Variants in KIF14 observed in about 807,000 individuals in gnomAD.
The protein encoded by KIF14 is kinesin-like protein KIF14.
In KIF14, 98 loss-of-function variants were observed where a neutral mutation model predicts 176.2. The ratio of observed to expected loss-of-function variants is 0.56; its 90% CI spans 0.47 to 0.66. The LOEUF is 0.66. Ranked by LOEUF, KIF14 falls within the 30% of genes least tolerant of loss-of-function variation. The pLI is 0.00. For missense variants in KIF14, 1,751 were observed against 1,920.4 expected, an observed-to-expected ratio of 0.91 and a Z score of 1.65; for synonymous variants, 566 against 632.2, an observed-to-expected ratio of 0.90 and a Z score of 1.57.
chr1:200,579,760 A>G (rs951795272), intron 21 of KIF14, among the ~76,000 whole-genome samples: 34 of 152,282 alleles, frequency 2.2e-4, no homozygotes, highest in African/African-American at 8.2e-4. Flanking sequence ...AGATGACAAA[A>G]TAAGATATTA....
Position 200,618,286 on chromosome 1 carries a change from A to AT in KIF14, c.437dup (p.Asn146LysfsTer5). The AT allele has an allele frequency of 6.2e-7, 1 of 1,613,814 alleles. No individual in the cohort carries two copies. The highest frequency in any genetic ancestry group is 8.5e-7 in the Non-Finnish European group (1 of 1,179,998). On this transcript the variant is annotated frameshift_variant, in exon 2 of 30. Coordinates refer to ENST00000367350, the MANE Select transcript of KIF14 (RefSeq NM_014875.3). LOFTEE classifies it high-confidence loss of function. ...CATTATTTTCTGTTTCACCTCCCAC[A>AT]TTCAGTGTCATTTTGACAGAATCTA...
In KIF14 at chr1:200,554,452, A is replaced by C; in HGVS notation, c.4567+16T>G. On this transcript the variant is annotated intron_variant, in intron 29 of 29. Coordinates refer to ENST00000367350, the MANE Select transcript of KIF14 (RefSeq NM_014875.3). Reference sequence around the variant, plus strand: ...ATATAAAATTCTGATTATAAACTCCATTTGGAGAATCATACCTTTCAGTGC... The same window carrying C: ...ATATAAAATTCTGATTATAAACTCCCTTTGGAGAATCATACCTTTCAGTGC... The C allele has an allele frequency of 6.8e-7, 1 of 1,474,088 alleles. No individual in the cohort carries two copies. Among genetic ancestry groups the C allele is most frequent in the Non-Finnish European group, 9.3e-7 (1 of 1,072,460 alleles). The allele number at this position is 1,474,088 out of a possible 1,614,324, so 91.3% of individuals were successfully genotyped here.
intron 18 of KIF14, among the ~76,000 whole-genome samples, chr1:200,588,210 C>T (rs369955224): frequency 1.2e-4 from 18 of 151,218 alleles, no homozygotes; most frequent in East Asian, 3.9e-4. Flanking sequence ...TTCTGGAGTG[C>T]GGCCTAAAAA....
Position 200,605,857 on chromosome 1 carries a change from A to T in KIF14, c.1638+7T>A. On this transcript the variant is annotated splice_region_variant and intron_variant, in intron 7 of 29. Transcript: ENST00000367350. ...ATCTAGTGAAAAGAAAACAAAATCAATCTTACCTGGATATCAGCGTAAGAA... is the reference window on the plus strand; with the variant it reads ...ATCTAGTGAAAAGAAAACAAAATCATTCTTACCTGGATATCAGCGTAAGAA... 1 of 1,514,044 alleles carries T rather than the reference A, an allele frequency of 6.6e-7. No homozygotes were observed. The highest frequency in any genetic ancestry group is 8.9e-7 in the Non-Finnish European group (1 of 1,123,662). 93.8% of individuals were successfully genotyped at this position (1,514,044 alleles called of 1,614,324 possible). A position where few individuals can be genotyped will look rare whatever the true frequency, so the allele number is the denominator to read the frequency against.
chr1:200,583,959 C>T (rs909331900), intron 19 of KIF14, among the ~76,000 whole-genome samples: 3 of 151,028 alleles, frequency 2.0e-5, no homozygotes, highest in Non-Finnish European at 4.4e-5. Context: ...AAAAAATAGT[C>T]GGGCCGGGCC....
At chr1:200,559,040 C>T (rs554519196) in intron 27 of KIF14, among the ~76,000 whole-genome samples, 12 of 152,036 alleles carry the variant, frequency 7.9e-5, no homozygotes, top group Non-Finnish European at 1.6e-4. Flanking sequence ...AACCAGAAAG[C>T]GAACACTAGG....
chr1:200,570,093 G>A (rs1657694050), intron 22 of KIF14, 88 bp from the exon 23 acceptor site: 3 of 593,610 alleles, frequency 5.1e-6, no homozygotes, highest in Admixed American at 6.1e-5. Flanking sequence ...TAAAGAAAAT[G>A]GACATTCATG....
At chr1:200,563,344 T>C (rs1467840934) in intron 25 of KIF14, among the ~76,000 whole-genome samples, 1 of 152,150 alleles carries the variant, frequency 6.6e-6, no homozygotes, top group Non-Finnish European at 1.5e-5. Flanking sequence ...CTCTTAGTAT[T>C]TTCTTTTTTT....
At chr1:200,613,668 C>T (rs1660267062) in intron 4 of KIF14, among the ~76,000 whole-genome samples, 1 of 152,078 alleles carries the variant, frequency 6.6e-6, no homozygotes, top group Non-Finnish European at 1.5e-5. Flanking sequence ...TCAGAACCCC[C>T]AGAAGAGATT....
Position 200,565,508 on chromosome 1 carries a change from A to C in KIF14, c.3823T>G (p.Tyr1275Asp). 1 of 1,610,446 alleles carries C rather than the reference A, an allele frequency of 6.2e-7. No individual in the cohort carries two copies. The highest frequency in any genetic ancestry group is 8.5e-7 in the Non-Finnish European group (1 of 1,179,176). ...DSLINSFLKIYNGLFAISKAH... is the reference protein window; with the variant it reads ...DSLINSFLKIDNGLFAISKAH... ...TTGGAAATGGCAAATAGCCCATTATAAATTTTAAGAAAACTATTAATTAGG... is the reference window on the plus strand; with the variant it reads ...TTGGAAATGGCAAATAGCCCATTATCAATTTTAAGAAAACTATTAATTAGG... Residue 1275 changes from tyrosine (Y) to aspartate (D), a missense_variant, in exon 24 of 30, where the codon TAT (tyrosine) becomes GAT (aspartate). Transcript: ENST00000367350.
At chr1:200,603,761 G>A in intron 9 of KIF14, 78 bp downstream of exon 9, 4 of 864,028 alleles carry the variant, frequency 4.6e-6, no homozygotes, top group South Asian at 2.8e-5. Flanking sequence ...GAGGTTAAGT[G>A]TATTCAGTTT....
chr1:200,586,118 C>T lies in KIF14; in HGVS notation c.3224G>A (p.Arg1075Lys). 1.3e-6 allele frequency: 2 copies of T among 1,584,908 alleles called. No homozygotes were observed. The highest frequency in any genetic ancestry group is 2.7e-5 in the African/African-American group (2 of 74,404). ...ACACTTACCTGTAAAAGTTTTATCC[C>T]TATTATTCCGATTCTGCTGTAGAAT... ...VQILQQNRNN[R>K]DKTFTVQTTW... Residue 1075 changes from arginine (R) to lysine (K), a missense_variant, in exon 19 of 30, where the codon AGG becomes AAG. Transcript: ENST00000367350.
intron 23 of KIF14, 72 bp from the exon 24 acceptor site, chr1:200,565,741 C>T: frequency 1.0e-6 from 1 of 981,674 alleles, no homozygotes. Flanking sequence ...AAAAAGGGAT[C>T]CTTACTTTAT....
At chr1:200,553,859 C>T (rs1656691011) in intron 29 of KIF14, 92 bp from the exon 30 acceptor site, 1 of 1,255,336 alleles carries the variant, frequency 8.0e-7, no homozygotes, top group Admixed American at 2.4e-5. Flanking sequence ...TCTTTTAAGT[C>T]AAAGTGACCC....
intron 19 of KIF14, among the ~76,000 whole-genome samples, chr1:200,581,675 T>C (rs890637046): frequency 1.3e-5 from 2 of 151,890 alleles, no homozygotes; most frequent in Admixed American, 1.3e-4. Context: ...TTTTGTATTT[T>C]GCCTAAAAAT....
chr1:200,618,838 AC>A lies in KIF14; in HGVS notation c.-115-1del. On this transcript the variant is annotated splice_acceptor_variant, in intron 1 of 29. Coordinates refer to ENST00000367350, the MANE Select transcript of KIF14 (RefSeq NM_014875.3). LOFTEE classifies it low-confidence loss of function (5UTR_SPLICE). ...ATCCATTTCTGAAAGTATCTGCTAA[AC>A]TAAAAGAAAAAAAAAAGATTTAGAT... The A allele has an allele frequency of 1.2e-6, 1 of 827,660 alleles. No homozygotes were observed. The highest frequency in any genetic ancestry group is 1.8e-6 in the Non-Finnish European group (1 of 541,194). 51.3% of individuals were successfully genotyped at this position (827,660 alleles called of 1,614,324 possible). A position where few individuals can be genotyped will look rare whatever the true frequency, so the allele number is the denominator to read the frequency against.
In KIF14 at chr1:200,592,166, C is replaced by T. The variant is rs932103647; in HGVS notation, c.2727G>A (p.Arg909=). 6.2e-7 allele frequency: 1 copy of T among 1,613,332 alleles called. No homozygotes were observed. Among genetic ancestry groups the T allele is most frequent in the Admixed American group, 1.7e-5 (1 of 59,986 alleles). The part of the protein sequence containing the change: ...NHPVEVQKGK[R]PSGRDTPISE... ...TTATAGGAGTATCTCTTCCAGATGG[C>T]CTTTTTCCTTTCTGGACTTCTACTG... Residue 909 remains arginine (R), a synonymous_variant, in exon 16 of 30, where the codon AGG becomes AGA. Coordinates refer to ENST00000367350, the MANE Select transcript of KIF14 (RefSeq NM_014875.3).
At position 200,555,383 on chromosome 1, in the gene KIF14, T is replaced by G. The variant is rs748050991; in HGVS notation, c.4425A>C (p.Lys1475Asn). Reference protein sequence around the residue: ...RSLENIFAESKIKSFRRQVQE... With the variant: ...RSLENIFAESNIKSFRRQVQE... ...ATCAATTTAAAGCTTCTCTTACAATTTTCGATTCAGCAAAGATGTTTTCAA... is the reference window on the plus strand; with the variant it reads ...ATCAATTTAAAGCTTCTCTTACAATGTTCGATTCAGCAAAGATGTTTTCAA... Residue 1475 changes from lysine to asparagine, a missense_variant, in exon 28 of 30, where the codon AAA (lysine) becomes AAC (asparagine). Transcript: ENST00000367350. 44 of 1,558,836 alleles carry G rather than the reference T, an allele frequency of 2.8e-5. No homozygotes were observed. Among genetic ancestry groups the G allele is most frequent in the Non-Finnish European group, 3.7e-5 (42 of 1,148,126 alleles).
rs749034801 is a variant in KIF14, at chr1:200,580,330, A to G, written c.3389T>C (p.Leu1130Pro). ...SSDTSIRVRN[L>P]KLGISTFWSL... ...CCAGAATGTTGAGATTCCTAGTTTC[A>G]GGTTACGAACCCGAATAGAAGTGTC... Residue 1130 changes from leucine to proline, a missense_variant, in exon 21 of 30, where the codon CTG (leucine) becomes CCG (proline). By Grantham distance (98) the Leu-to-Pro change is moderately conservative (BLOSUM62 -3). Transcript: ENST00000367350. 1 of 1,528,160 alleles carries G rather than the reference A, an allele frequency of 6.5e-7. No homozygotes were observed. The highest frequency in any genetic ancestry group is 8.8e-7 in the Non-Finnish European group (1 of 1,131,472). The allele number at this position is 1,528,160 out of a possible 1,614,324, so 94.7% of individuals were successfully genotyped here. A position where few individuals can be genotyped will look rare whatever the true frequency, so the allele number is the denominator to read the frequency against.
Sources: gnomAD v4.1 joint callset for allele counts (sites outside exome capture counted in the v4.1 genomes callset) on GRCh38, gnomAD v4.1.1 for gene constraint, MANE v1.5 for transcripts, NCBI Gene and HGNC (gene_info 2026-07-23, HGNC 2026-07-21) for gene names.